The following LYPLA1 variants were observed in gnomAD, a reference collection of about 807,000 sequenced individuals.
LYPLA1 encodes the protein lysophospholipase 1.
Under a neutral mutation model 34.0 loss-of-function variants are expected in LYPLA1, and 17 were observed. The ratio of observed to expected loss-of-function variants is 0.50; its 90% CI spans 0.34 to 0.75. LYPLA1 has a LOEUF of 0.75. Among genes scored for constraint, LYPLA1 ranks in the 30% least tolerant of loss-of-function variants. LYPLA1 has a pLI of 0.01. For synonymous variants in LYPLA1, 98 were observed against 100.8 expected (o/e 0.97, Z 0.17); for missense variants, 203 against 288.8 (o/e 0.70, Z 2.15).
At chr8:54,055,216 T>A in intron 5 of LYPLA1, 83 bp from the exon 6 acceptor site, 1 of 742,986 alleles carries the variant, frequency 1.3e-6, no homozygotes, top group Non-Finnish European at 2.3e-6. Context: ...AAATTAGTAA[T>A]AGAAAAGCGC....
At chr8:54,097,559 T>C (rs1586188284) in intron 2 of LYPLA1, among the ~76,000 whole-genome samples, 1 of 152,252 alleles carries the variant, frequency 6.6e-6, no homozygotes, top group East Asian at 1.9e-4. Context: ...TACTAAATGT[T>C]AAATTTAATG....
At chr8:54,087,862 G>A (rs1210162394) in intron 2 of LYPLA1, among the ~76,000 whole-genome samples, 1 of 152,224 alleles carries the variant, frequency 6.6e-6, no homozygotes, top group Non-Finnish European at 1.5e-5. Flanking sequence ...ACACTTGCCA[G>A]TAGCTGTGTC....
At chr8:54,057,207 A>G (rs1806267942) in intron 5 of LYPLA1, among the ~76,000 whole-genome samples, 2 of 152,210 alleles carry the variant, frequency 1.3e-5, no homozygotes, top group Admixed American at 6.5e-5. Context: ...GGTTCCTCAA[A>G]TAACTAAAAA....
At chr8:54,084,293 C>T (rs973259626) in intron 2 of LYPLA1, among the ~76,000 whole-genome samples, 2 of 146,166 alleles carry the variant, frequency 1.4e-5, no homozygotes, top group African/African-American at 5.1e-5. Flanking sequence ...CAACAGAGGC[C>T]GGCGCGGTGG....
At chr8:54,073,029 C>A in intron 2 of LYPLA1, 1 of 437,384 alleles carries the variant, frequency 2.3e-6, no homozygotes, top group Non-Finnish European at 4.3e-6. Context: ...ATCAAAACCA[C>A]AACAAAATAC....
downstream of LYPLA1, among the ~76,000 whole-genome samples, chr8:54,046,009 C>T (rs1234694612): frequency 2.6e-5 from 4 of 151,864 alleles, no homozygotes; most frequent in South Asian, 2.1e-4. Context: ...TGCAGTGAGC[C>T]GAGATCGCAC....
At chr8:54,101,679 C>G in intron 1 of LYPLA1, 76 bp downstream of exon 1, 1 of 1,196,708 alleles carries the variant, frequency 8.4e-7, no homozygotes, top group Non-Finnish European at 1.0e-6. Flanking sequence ...GCGCCCGCAA[C>G]GCCCACCCCG....
At chr8:54,065,992 A>G (rs1807038670) in intron 2 of LYPLA1, among the ~76,000 whole-genome samples, 179 bp from the exon 3 acceptor site, 2 of 152,288 alleles carry the variant, frequency 1.3e-5, no homozygotes, top group African/African-American at 2.4e-5. Flanking sequence ...GCTGGAGTAC[A>G]GTGGCGCGAT....
At chr8:54,074,486 GA>G (rs1277732356) in intron 2 of LYPLA1, among the ~76,000 whole-genome samples, 2 of 152,212 alleles carry the variant, frequency 1.3e-5, no homozygotes, top group Admixed American at 6.5e-5. Context: ...GCAGTTAATA[GA>G]ATGCATCCTT....
chr8:54,057,349 A>AT (rs1258999100), intron 5 of LYPLA1, among the ~76,000 whole-genome samples: 8 of 152,178 alleles, frequency 5.3e-5, no homozygotes, highest in African/African-American at 1.9e-4. Flanking sequence ...TATTGAAGAG[A>AT]TATCTGTACT....
At chr8:54,091,576 A>AC in intron 2 of LYPLA1, among the ~76,000 whole-genome samples, 2 of 125,176 alleles carry the variant, frequency 1.6e-5, no homozygotes, top group African/African-American at 6.5e-5. Flanking sequence ...GGAAAGAAAG[A>AC]AAGAAAAGGA....
chr8:54,087,529 G>A (rs2129358964), intron 2 of LYPLA1, among the ~76,000 whole-genome samples: 1 of 152,278 alleles, frequency 6.6e-6, no homozygotes, highest in East Asian at 1.9e-4. Context: ...AAAATCATCA[G>A]GATGAAAAAC....
intron 2 of LYPLA1, among the ~76,000 whole-genome samples, chr8:54,097,211 G>C (rs1017962799): frequency 6.6e-6 from 1 of 152,148 alleles, no homozygotes; most frequent in Non-Finnish European, 1.5e-5. Flanking sequence ...TCAAAAGATC[G>C]AAGTTACAAC....
chr8:54,054,002 C>T (rs1806029473), intron 6 of LYPLA1, among the ~76,000 whole-genome samples: 1 of 152,090 alleles, frequency 6.6e-6, no homozygotes, highest in Admixed American at 6.5e-5. Context: ...ATTTTTGAGA[C>T]AGAGTCTCAG....
intron 2 of LYPLA1, among the ~76,000 whole-genome samples, chr8:54,084,133 A>AAAAAAAAAAAAAATTTTTAT (rs1373090573): frequency 8.3e-6 from 1 of 120,484 alleles, no homozygotes; most frequent in African/African-American, 4.6e-5. Context: ...AGAAAAAAAA[A>AAAAAAAAAAAAAATTTTTAT]ATAAATAAAT....
chr8:54,064,545 G>T (rs887175417), intron 3 of LYPLA1, among the ~76,000 whole-genome samples: 2 of 152,194 alleles, frequency 1.3e-5, no homozygotes, highest in Non-Finnish European at 2.9e-5. Context: ...AGGATAAAAA[G>T]AGGAAGAAAT....
At chr8:54,065,459 A>AAAATAAATAAAT (rs4014133) in intron 3 of LYPLA1, among the ~76,000 whole-genome samples, 190 of 146,002 alleles carry the variant, frequency 1.3e-3, no homozygotes, top group African/African-American at 2.7e-3. Flanking sequence ...CTCTGTCTCA[A>AAAATAAATAAAT]AAATAAATAA....
intron 3 of LYPLA1, 94 bp downstream of exon 3, chr8:54,065,654 A>T: frequency 1.3e-6 from 1 of 786,454 alleles, no homozygotes; most frequent in Non-Finnish European, 2.0e-6. Context: ...AGTAAAAATT[A>T]ACTGTATTCA....
At chr8:54,086,375 T>C (rs1268073979) in intron 2 of LYPLA1, among the ~76,000 whole-genome samples, 4 of 140,254 alleles carry the variant, frequency 2.9e-5, no homozygotes, top group Non-Finnish European at 6.0e-5. Flanking sequence ...TATTGTCCTA[T>C]GACCCTGCCA....
Sources: allele counts gnomAD v4.1 joint callset (sites outside exome capture counted in the v4.1 genomes callset), GRCh38; gene constraint gnomAD v4.1.1; transcripts MANE v1.5; gene names NCBI Gene and HGNC (gene_info 2026-07-23, HGNC 2026-07-21).